Variants in MYH1 observed in about 807,000 individuals in gnomAD.
MYH1 encodes the protein myosin heavy chain 1, also known as myosin-1.
In MYH1, 214 loss-of-function variants were observed where a neutral mutation model predicts 225.6. The observed-to-expected ratio is 0.95, with a 90% CI of 0.85 to 1.06. The LOEUF is 1.06. MYH1 is among the 50% of genes least tolerant of loss of function. MYH1 has a pLI of 0.00. For synonymous variants in MYH1, 774 were observed against 842.3 expected (o/e 0.92, Z 1.40); for missense variants, 2,098 against 2,344.2 (o/e 0.89, Z 2.17).
At position 10,505,051 on chromosome 17, in the gene MYH1, C is replaced by A. The variant is rs765157307; in HGVS notation, c.2450G>T (p.Cys817Phe). ...GAAGGCACGGACATTGTACTGGATGCAGAAGATGGACTCTCTGTCATAGGA... is the reference window on the plus strand; with the variant it reads ...GAAGGCACGGACATTGTACTGGATGAAGAAGATGGACTCTCTGTCATAGGA... ...KMVERRESIF[C>F]IQYNVRAFMN... is the part of the protein sequence containing the mutation. Residue 817 changes from cysteine (C) to phenylalanine (F), a missense_variant, in exon 22 of 40, where the codon TGC becomes TTC. Cys to Phe is a radical substitution (Grantham distance 205, BLOSUM62 -2). Transcript: ENST00000226207. 1 of 1,614,046 alleles carries A rather than the reference C, an allele frequency of 6.2e-7. No individual in the cohort carries two copies.
At position 10,513,802 on chromosome 17, in the gene MYH1, T is replaced by A; in HGVS notation, c.741+19A>T. ...GCATCTAAAGGCAGAGAAGACCCTT[T>A]GGCAACCAAGAGACTTACAAAGCGA... is the stretch of plus-strand genomic sequence containing the variant. On this transcript the variant is annotated intron_variant, in intron 8 of 39. Coordinates refer to ENST00000226207, the MANE Select transcript of MYH1 (RefSeq NM_005963.4). The A allele has an allele frequency of 6.2e-7, 1 of 1,614,158 alleles. No individual in the cohort carries two copies. Among genetic ancestry groups the A allele is most frequent in the African/African-American group, 1.3e-5 (1 of 75,056 alleles).
rs2073226482 is a variant in MYH1 at position 10,516,209 on chromosome 17, C to T, written c.338G>A (p.Trp113Ter). 3 of 1,614,146 alleles carry T rather than the reference C, an allele frequency of 1.9e-6. No individual in the cohort carries two copies. The highest frequency in any genetic ancestry group is 2.5e-6 in the Non-Finnish European group (3 of 1,180,024). The change falls in exon 4 of 40, where the codon TGG (tryptophan) becomes TAG (stop). Residue 113 changes from tryptophan to a stop codon, truncating the protein, a stop_gained. Transcript: ENST00000226207. LOFTEE classifies it high-confidence loss of function. ...LYNLKERYAA[W>*]MIYTYSGLFC... The stretch of plus-strand genomic sequence containing the variant: ...TGAGAAAGAACTCACGTAGATCATC[C>T]AGGCTGCGTAGCGCTCTTTGAGGTT...
intron 30 of MYH1, among the ~76,000 whole-genome samples, chr17:10,498,132 G>A (rs2073015363): frequency 6.6e-6 from 1 of 152,194 alleles, no homozygotes; most frequent in Non-Finnish European, 1.5e-5. Context: ...TCATAGAGTG[G>A]CTTTAAGGCC....
chr17:10,505,528 A>G lies in MYH1; in HGVS notation c.2175-17T>C, dbSNP rs776332076. 8.7e-6 allele frequency: 14 copies of G among 1,611,078 alleles called. No homozygotes were observed. Among genetic ancestry groups the G allele is most frequent in the Non-Finnish European group, 8.5e-6 (10 of 1,178,854 alleles). ...ACCTTGTATCTGTTTAAGCCAGACA[A>G]AAAAATGATATGGCTGTTGCCACAG... On this transcript the variant is annotated splice_polypyrimidine_tract_variant and intron_variant, in intron 19 of 39. Transcript: ENST00000226207.
Position 10,516,598 on chromosome 17 carries a change from A to G in MYH1, c.45T>C (p.Pro15=). The change falls in exon 3 of 40, where the codon CCT becomes CCC. Residue 15 remains proline (P), a synonymous_variant. Coordinates refer to ENST00000226207, the MANE Select transcript of MYH1 (RefSeq NM_005963.4). ...SEMAIFGEAA[P]FLRKSERERI... is the part of the protein sequence containing the mutation. ...GCTCCCTTTCAGACTTTCGGAGGAAAGGAGCAGCCTCCCCAAAAATGGCCA... is the reference window on the plus strand; with the variant it reads ...GCTCCCTTTCAGACTTTCGGAGGAAGGGAGCAGCCTCCCCAAAAATGGCCA... The G allele has an allele frequency of 6.2e-7, 1 of 1,614,204 alleles. No homozygotes were observed. The highest frequency in any genetic ancestry group is 8.5e-7 in the Non-Finnish European group (1 of 1,180,046).
At position 10,495,007 on chromosome 17, in the gene MYH1, A is replaced by G. The variant is rs761086840; in HGVS notation, c.5390T>C (p.Leu1797Pro). ...KKNLEQTVKD[L>P]QHRLDEAEQL... Reference sequence around the variant, plus strand: ...CTCAGCCTCATCCAGACGATGCTGCAGGTCCTTCACCGTCTGTTCCAGGTT... The same window carrying G: ...CTCAGCCTCATCCAGACGATGCTGCGGGTCCTTCACCGTCTGTTCCAGGTT... The change falls in exon 37 of 40, where the codon CTG becomes CCG. Residue 1797 changes from leucine to proline, a missense_variant. Physicochemically the swap from Leu to Pro is moderately conservative, Grantham distance 98. Transcript: ENST00000226207. 7 of 1,614,100 alleles carry G rather than the reference A, an allele frequency of 4.3e-6. No individual in the cohort carries two copies. The highest frequency in any genetic ancestry group is 1.6e-4 in the Middle Eastern group (1 of 6,084).
chr17:10,512,873 G>A lies in MYH1; in HGVS notation c.898C>T (p.Leu300=). The A allele has an allele frequency of 6.2e-7, 1 of 1,610,434 alleles. No individual in the cohort carries two copies. The highest frequency in any genetic ancestry group is 8.5e-7 in the Non-Finnish European group (1 of 1,176,700). Residue 300 remains leucine (L), a synonymous_variant, in exon 10 of 40, where the codon CTA becomes TTA. Coordinates refer to ENST00000226207, the MANE Select transcript of MYH1 (RefSeq NM_005963.4). ...CTATGAATTTATTTCTTACCAATTA[G>A]ATCTGGCTTCTTGTTAGACATGATC... ...YQIMSNKKPD[L]IEMLLITTNP... is the part of the protein sequence containing the mutation.
intron 39 of MYH1, among the ~76,000 whole-genome samples, chr17:10,493,301 G>A (rs2072953350): frequency 6.6e-6 from 1 of 152,174 alleles, no homozygotes; most frequent in Admixed American, 6.5e-5. Flanking sequence ...TAGCGTGTGT[G>A]TGTGTCCGTG....
Position 10,497,155 on chromosome 17 carries a change from C to A in MYH1, c.4570G>T (p.Gly1524Ter), listed in dbSNP as rs753345119. ...TTTTCCAGTTCATGGATGCGCTTTCCTCCTTCTGCAATCTGTTCAGTGAGA... is the reference window on the plus strand; with the variant it reads ...TTTTCCAGTTCATGGATGCGCTTTCATCCTTCTGCAATCTGTTCAGTGAGA... The part of the protein sequence containing the change: ...SDLTEQIAEG[G>*]KRIHELEKIK... The change falls in exon 33 of 40, where the codon GGA (glycine) becomes TGA (stop). Residue 1524 changes from glycine to a stop codon, truncating the protein, a stop_gained. Transcript: ENST00000226207. LOFTEE classifies it high-confidence loss of function. 1.2e-6 allele frequency: 2 copies of A among 1,614,102 alleles called. No homozygotes were observed. The highest frequency in any genetic ancestry group is 2.2e-5 in the South Asian group (2 of 91,068).
At chr17:10,508,005 GT>G (rs377516000) in intron 16 of MYH1, 49 bp from the exon 17 acceptor site, 14,297 of 1,067,570 alleles carry the variant, frequency 0.013, 6 homozygotes, top group African/African-American at 0.026. Context: ...TCTGGTTATG[GT>G]TTTTTTTTTT....
intron 17 of MYH1, 137 bp from the exon 18 acceptor site, chr17:10,506,236 T>C (rs1339807020): frequency 8.9e-7 from 1 of 1,122,428 alleles, no homozygotes; most frequent in Admixed American, 2.7e-5. Flanking sequence ...CAAAGAGTTA[T>C]CTCTGGAATT....
In MYH1 at chr17:10,494,652, C is replaced by A. The variant is rs776155566; in HGVS notation, c.5488G>T (p.Val1830Phe). Reference sequence around the variant, plus strand: ...ACATTGCGCTTCTGTTCACTTTCAACTTCACCTTCAAGTTCACGAACCTAC... The same window carrying A: ...ACATTGCGCTTCTGTTCACTTTCAAATTCACCTTCAAGTTCACGAACCTAC... ...EARVRELEGE[V>F]ESEQKRNVEA... The change falls in exon 38 of 40, where the codon GTT (valine) becomes TTT (phenylalanine). Residue 1830 changes from valine to phenylalanine, a missense_variant. By Grantham distance (50) the Val-to-Phe change is conservative. Transcript: ENST00000226207. 1 of 1,614,024 alleles carries A rather than the reference C, an allele frequency of 6.2e-7. No homozygotes were observed. The highest frequency in any genetic ancestry group is 1.7e-5 in the Admixed American group (1 of 59,990).
intron 39 of MYH1, among the ~76,000 whole-genome samples, chr17:10,493,932 C>T (rs1195270631): frequency 2.0e-5 from 3 of 152,218 alleles, no homozygotes; most frequent in African/African-American, 7.2e-5. Context: ...ACCCAGTAAC[C>T]GATTCTTTAC....
intron 28 of MYH1, among the ~76,000 whole-genome samples, chr17:10,499,725 C>T (rs1050922597): frequency 6.6e-6 from 1 of 152,040 alleles, no homozygotes; most frequent in Non-Finnish European, 1.5e-5. Context: ...TTTTCCACAC[C>T]ATTTTTATAC....
At chr17:10,500,074 G>A (rs193147010) in intron 28 of MYH1, among the ~76,000 whole-genome samples, 10 of 152,206 alleles carry the variant, frequency 6.6e-5, no homozygotes, top group East Asian at 1.9e-4. Context: ...CTACTTAACC[G>A]TGTTAGTTAC....
intron 28 of MYH1, among the ~76,000 whole-genome samples, chr17:10,499,788 T>G (rs1416814729): frequency 6.6e-6 from 1 of 152,226 alleles, no homozygotes; most frequent in African/African-American, 2.4e-5. Flanking sequence ...AATAAATATT[T>G]ATTCTGAACT....
At chr17:10,496,685 C>G in intron 33 of MYH1, 136 bp from the exon 34 acceptor site, 1 of 1,361,740 alleles carries the variant, frequency 7.3e-7, no homozygotes, top group Non-Finnish European at 1.0e-6. Context: ...ACAAGAGTGT[C>G]ATTTTCATGC....
At chr17:10,514,317 G>A (rs551912575) in intron 6 of MYH1, among the ~76,000 whole-genome samples, 193 bp from the exon 7 acceptor site, 6 of 152,256 alleles carry the variant, frequency 3.9e-5, no homozygotes, top group East Asian at 3.9e-4. Context: ...CATTTAACAC[G>A]TATTTCTTGA....
In MYH1 at chr17:10,501,478, C is replaced by G. The variant is rs267604712; in HGVS notation, c.3370G>C (p.Glu1124Gln). 1.6e-5 allele frequency: 26 copies of G among 1,614,240 alleles called. No homozygotes were observed. The highest frequency in any genetic ancestry group is 2.2e-5 in the Non-Finnish European group (26 of 1,180,050). Residue 1124 changes from glutamate (E) to glutamine (Q), a missense_variant, in exon 27 of 40, where the codon GAG becomes CAG. Physicochemically the swap from Glu to Gln is conservative, Grantham distance 29. Transcript: ENST00000226207. ...ELQARIEELE[E>Q]EIEAERASRA... Reference sequence around the variant, plus strand: ...GAGGCCCGCTCTGCCTCGATTTCCTCCTCCAGCTCCTCAATGCGGGCCTGG... The same window carrying G: ...GAGGCCCGCTCTGCCTCGATTTCCTGCTCCAGCTCCTCAATGCGGGCCTGG...
Sources: allele counts gnomAD v4.1 joint callset (sites outside exome capture counted in the v4.1 genomes callset), GRCh38; gene constraint gnomAD v4.1.1; transcripts MANE v1.5; gene names NCBI Gene and HGNC (gene_info 2026-07-23, HGNC 2026-07-21).